The following SAMD12 variants were observed in gnomAD, a reference collection of about 807,000 sequenced individuals.
SAMD12 encodes sterile alpha motif domain containing 12.
SAMD12 carries 9 observed loss-of-function variants against 15.0 expected under a neutral mutation model. That is an observed-to-expected ratio of 0.60 (90% CI 0.36 to 1.05). The LOEUF is 1.05. Among genes scored for constraint, SAMD12 ranks in the 50% least tolerant of loss-of-function variants. The probability of loss-of-function intolerance (pLI) is 0.01; values close to 1 mark genes in which losing one functional copy is unlikely to be tolerated. For missense variants in SAMD12, 230 were observed against 234.2 expected (o/e 0.98, Z 0.12); for synonymous variants, 86 against 90.1 (o/e 0.96, Z 0.25).
intron 2 of SAMD12, among the ~76,000 whole-genome samples, chr8:118,545,731 T>C (rs1206042399): frequency 6.6e-6 from 1 of 152,186 alleles, no homozygotes; most frequent in Admixed American, 6.5e-5. Context: ...TGCAAGCAAC[T>C]GTAAGATGCC....
chr8:118,421,114 T>C (rs1409850761), intron 3 of SAMD12, among the ~76,000 whole-genome samples: 1 of 152,196 alleles, frequency 6.6e-6, no homozygotes, highest in Non-Finnish European at 1.5e-5. Flanking sequence ...TGTGTGAGCT[T>C]AGGGAAGTCA....
intron 2 of SAMD12, among the ~76,000 whole-genome samples, chr8:118,536,656 C>T (rs1313404954): frequency 6.6e-6 from 1 of 152,182 alleles, no homozygotes; most frequent in Non-Finnish European, 1.5e-5. Context: ...AAAAACTATA[C>T]TTTAACTTTG....
the SAMD12 span, among the ~76,000 whole-genome samples, chr8:118,175,660 C>A: frequency 1.3e-5 from 2 of 152,058 alleles, no homozygotes; most frequent in African/African-American, 4.8e-5. Flanking sequence ...AAAAATAACC[C>A]CACTAAAAAT....
intron 4 of SAMD12, among the ~76,000 whole-genome samples, chr8:118,311,642 G>C (rs956378440): frequency 6.6e-6 from 1 of 152,150 alleles, no homozygotes; most frequent in Non-Finnish European, 1.5e-5. Context: ...CTATGTAGTG[G>C]CCTTGGCCTT....
intron 2 of SAMD12, among the ~76,000 whole-genome samples, chr8:118,500,324 C>T (rs553374393): frequency 1.7e-4 from 26 of 151,562 alleles, no homozygotes; most frequent in South Asian, 4.2e-4. Context: ...GTAATCCACC[C>T]GCCTTGGCCT....
chr8:118,583,850 T>C (rs144994271), intron 1 of SAMD12, among the ~76,000 whole-genome samples: 36 of 152,316 alleles, frequency 2.4e-4, no homozygotes, highest in African/African-American at 8.7e-4. Context: ...AATGTCCATG[T>C]AATTGATCTG....
chr8:118,438,305 T>C (rs1441244379), intron 3 of SAMD12, among the ~76,000 whole-genome samples: 1 of 152,186 alleles, frequency 6.6e-6, no homozygotes, highest in East Asian at 1.9e-4. Flanking sequence ...CAACTTGAGC[T>C]ACAATTGGGT....
chr8:118,509,067 C>G (rs1234273497), intron 2 of SAMD12, among the ~76,000 whole-genome samples: 1 of 152,116 alleles, frequency 6.6e-6, no homozygotes, highest in Non-Finnish European at 1.5e-5. Flanking sequence ...AGAATATTAG[C>G]CTTCTTCCCT....
intron 4 of SAMD12, among the ~76,000 whole-genome samples, chr8:118,229,202 G>A (rs926231784): frequency 2.6e-5 from 4 of 151,924 alleles, no homozygotes; most frequent in African/African-American, 9.7e-5. Context: ...CTTGGGTGAT[G>A]GGTGCGCCAA....
intron 4 of SAMD12, among the ~76,000 whole-genome samples, chr8:118,323,171 G>A (rs62532673): frequency 3.3e-4 from 50 of 152,300 alleles, no homozygotes; most frequent in Non-Finnish European, 5.9e-4. Flanking sequence ...CTGACCTGCA[G>A]CCTTTGATTA....
intron 2 of SAMD12, among the ~76,000 whole-genome samples, chr8:118,473,337 T>C (rs902297025): frequency 1.3e-5 from 2 of 152,196 alleles, no homozygotes; most frequent in African/African-American, 2.4e-5. Context: ...AAAATCCTAG[T>C]GAGTACGCCA....
At chr8:118,157,777 T>C in the SAMD12 span, among the ~76,000 whole-genome samples, 1 of 152,192 alleles carries the variant, frequency 6.6e-6, no homozygotes, top group East Asian at 1.9e-4. Flanking sequence ...GACTTCCACT[T>C]ATAGCCAAAA....
chr8:118,492,686 T>G (rs1417736688), intron 2 of SAMD12, among the ~76,000 whole-genome samples: 1 of 152,182 alleles, frequency 6.6e-6, no homozygotes, highest in Non-Finnish European at 1.5e-5. Context: ...AACATATTTC[T>G]TTCTTACCTA....
intron 2 of SAMD12, among the ~76,000 whole-genome samples, chr8:118,494,736 A>C (rs1340879118): frequency 6.6e-6 from 1 of 152,088 alleles, no homozygotes; most frequent in Non-Finnish European, 1.5e-5. Context: ...AACACCCTTC[A>C]TCTCCTTATC....
At chr8:118,340,590 G>A (rs1049831788) in intron 4 of SAMD12, among the ~76,000 whole-genome samples, 89 of 152,224 alleles carry the variant, frequency 5.8e-4, no homozygotes, top group African/African-American at 2.0e-3. Flanking sequence ...CCAATATGGC[G>A]AAACCCTGTC....
At chr8:118,213,321 G>A (rs1042182961) in intron 4 of SAMD12, among the ~76,000 whole-genome samples, 2 of 152,130 alleles carry the variant, frequency 1.3e-5, no homozygotes, top group Non-Finnish European at 2.9e-5. Flanking sequence ...ATCTTTAGGA[G>A]GACTGGAAAC....
intron 4 of SAMD12, among the ~76,000 whole-genome samples, chr8:118,324,577 T>C (rs1314750843): frequency 2.0e-5 from 3 of 152,118 alleles, no homozygotes; most frequent in African/African-American, 4.8e-5. Context: ...GAAAAGGTTA[T>C]AGTAGGGATG....
At chr8:118,169,042 A>G in the SAMD12 span, among the ~76,000 whole-genome samples, 1 of 152,094 alleles carries the variant, frequency 6.6e-6, no homozygotes. Context: ...AATGGGGAAT[A>G]ATATAGTGGG....
At chr8:118,210,100 C>G (rs1819976914) in intron 4 of SAMD12, among the ~76,000 whole-genome samples, 1 of 152,146 alleles carries the variant, frequency 6.6e-6, no homozygotes, top group South Asian at 2.1e-4. Context: ...GAGAAATGGG[C>G]TGGGATGGTA....
Sources: gnomAD v4.1 joint callset for allele counts (sites outside exome capture counted in the v4.1 genomes callset) on GRCh38, gnomAD v4.1.1 for gene constraint, MANE v1.5 for transcripts, NCBI Gene and HGNC (gene_info 2026-07-23, HGNC 2026-07-21) for gene names.